Variants in PAX5 observed in about 807,000 individuals in gnomAD.
PAX5 encodes paired box protein Pax-5.
In PAX5, 9 loss-of-function variants were observed where a neutral mutation model predicts 43.7. The ratio of observed to expected loss-of-function variants is 0.21; its 90% confidence interval spans 0.12 to 0.36. The LOEUF (loss-of-function observed/expected upper bound fraction) is 0.36, where lower values mean the gene tolerates loss of function less well. Ranked by LOEUF, PAX5 falls within the 10% of genes least tolerant of loss-of-function variation. The probability of loss-of-function intolerance (pLI) is 1.00; values close to 1 mark genes in which losing one functional copy is unlikely to be tolerated. For synonymous variants in PAX5, 228 were observed against 214.3 expected (o/e 1.06, Z -0.56); for missense variants, 383 against 532.7 (o/e 0.72, Z 2.77).
At chr9:36,920,510 CA>C (rs1830080561) in intron 7 of PAX5, among the ~76,000 whole-genome samples, 1 of 152,176 alleles carries the variant, frequency 6.6e-6, no homozygotes, top group Admixed American at 6.5e-5. Flanking sequence ...TTTTTAGCAA[CA>C]AGTATTTTTA....
chr9:36,849,600 C>T (rs1469905429), intron 8 of PAX5, among the ~76,000 whole-genome samples: 7 of 152,244 alleles, frequency 4.6e-5, no homozygotes, highest in Admixed American at 2.0e-4. Flanking sequence ...ACAGCTCTCA[C>T]GGCCTCCGTT....
rs536930132 is a variant in PAX5 at position 36,900,634 on chromosome 9, TCTCCATGGCGTCCTC to T, written c.911-18544_911-18530del. 3.1e-3 allele frequency among the ~76,000 whole-genome samples: 471 copies of T among 152,198 alleles called. 2 individuals are homozygous for T. The highest frequency in any genetic ancestry group is 0.011 in the African/African-American group (443 of 41,506). ...ACCACTCACTCCCCCACTCCGGGCT[TCTCCATGGCGTCCTC>T]CTCCATGGCGTCCTCCTCCTCAGCC... On this transcript the variant is annotated intron_variant, in intron 7 of 9. Coordinates refer to ENST00000358127, the MANE Select transcript of PAX5 (RefSeq NM_016734.3).
intron 8 of PAX5, among the ~76,000 whole-genome samples, chr9:36,867,915 G>A (rs1825057493): frequency 1.3e-5 from 2 of 152,150 alleles, no homozygotes; most frequent in Non-Finnish European, 2.9e-5. Flanking sequence ...GGGCTTCGCG[G>A]GTCCCATTAA....
chr9:36,957,365 G>A (rs570368612), intron 6 of PAX5, among the ~76,000 whole-genome samples: 5 of 152,286 alleles, frequency 3.3e-5, no homozygotes, highest in South Asian at 2.1e-4. Flanking sequence ...GTGGTACTGC[G>A]CAACTCAGGT....
rs959614927 is a variant in PAX5, at chr9:36,946,226, G to A, written c.780+20323C>T. On this transcript the variant is annotated intron_variant, in intron 6 of 9. Transcript: ENST00000358127. ...ATCAGGAAGTGACTCCCTGAGGCTC[G>A]CAGAGGGGCCATGGCCCAGCTGCCC... 4.6e-5 allele frequency among the ~76,000 whole-genome samples: 7 copies of A among 152,258 alleles called. 1 individual carries two copies. The South Asian group carries it at 1.0e-3, about 23-fold the overall frequency.
intron 2 of PAX5, among the ~76,000 whole-genome samples, chr9:37,019,251 G>A (rs991544647): frequency 4.0e-5 from 6 of 150,122 alleles, no homozygotes; most frequent in Admixed American, 1.3e-4. Context: ...CTCTGTCTTC[G>A]ACTTTTCTTC....
chr9:36,888,548 T>TCATA (rs1368675619), intron 7 of PAX5, among the ~76,000 whole-genome samples: 4 of 152,198 alleles, frequency 2.6e-5, no homozygotes, highest in African/African-American at 9.6e-5. Context: ...GTGAATATAT[T>TCATA]CATACAAATG....
Position 37,006,940 on chromosome 9 carries a change from T to C in PAX5, c.411-403A>G, listed in dbSNP as rs531204749. On this transcript the variant is annotated intron_variant, in intron 3 of 9. Transcript: ENST00000358127. ...CTTTCCTAGACCTCAGCCTCCTATATGTGGAATGAAGGAACTGAACTTGGT... is the reference window on the plus strand; with the variant it reads ...CTTTCCTAGACCTCAGCCTCCTATACGTGGAATGAAGGAACTGAACTTGGT... Among the ~76,000 whole-genome samples, 10 of 152,244 alleles carry C rather than the reference T, an allele frequency of 6.6e-5. No homozygotes were observed. In the South Asian group the frequency reaches 1.7e-3, roughly 25 times the overall value.
intron 6 of PAX5, among the ~76,000 whole-genome samples, chr9:36,933,696 G>A (rs1486551662): frequency 1.3e-5 from 2 of 152,338 alleles, no homozygotes; most frequent in East Asian, 3.9e-4. Context: ...AATCTGCAAG[G>A]AGGAATGCCC....
intron 8 of PAX5, among the ~76,000 whole-genome samples, chr9:36,848,095 G>A (rs1289958501): frequency 3.9e-5 from 6 of 152,240 alleles, no homozygotes; most frequent in African/African-American, 7.2e-5. Context: ...GAGCCCACTC[G>A]TGGCCCAAGC....
intron 6 of PAX5, among the ~76,000 whole-genome samples, chr9:36,923,880 CGGT>C (rs1164936426): frequency 6.6e-6 from 1 of 152,140 alleles, no homozygotes; most frequent in East Asian, 1.9e-4. Context: ...ATGGAAAGAA[CGGT>C]TTCTGATTTC....
At chr9:36,994,008 G>A (rs905999023) in intron 5 of PAX5, among the ~76,000 whole-genome samples, 1 of 152,172 alleles carries the variant, frequency 6.6e-6, no homozygotes, top group African/African-American at 2.4e-5. Context: ...AGCGGCGTTG[G>A]CTCTCACGGG....
chr9:36,886,496 A>G (rs757340776), intron 7 of PAX5, among the ~76,000 whole-genome samples: 1 of 152,154 alleles, frequency 6.6e-6, no homozygotes, highest in Non-Finnish European at 1.5e-5. Context: ...TCACCTTCTC[A>G]GTCCCTTCCC....
At chr9:37,032,420 C>T (rs796597881) in intron 1 of PAX5, among the ~76,000 whole-genome samples, 4 of 152,150 alleles carry the variant, frequency 2.6e-5, no homozygotes, top group African/African-American at 9.7e-5. Flanking sequence ...TGCTGAGAAG[C>T]CCACTGCCAG....
At chr9:36,920,268 C>G (rs1410667635) in intron 7 of PAX5, among the ~76,000 whole-genome samples, 1 of 152,136 alleles carries the variant, frequency 6.6e-6, no homozygotes, top group Non-Finnish European at 1.5e-5. Context: ...GAAAGAAATT[C>G]TATGGTGGAT....
At chr9:36,923,135 G>T in intron 7 of PAX5, 4 of 496,366 alleles carry the variant, frequency 8.1e-6, no homozygotes, top group Non-Finnish European at 1.4e-5. Context: ...CAGTCCATTT[G>T]GCATTTGTTC....
chr9:37,006,351 C>A (rs550445668), intron 4 of PAX5, 122 bp downstream of exon 4: 5 of 619,950 alleles, frequency 8.1e-6, no homozygotes, highest in South Asian at 2.4e-5. Flanking sequence ...ACAAAGAAGG[C>A]GCATTAGTAC....
At chr9:36,854,999 GC>G (rs1171727046) in intron 8 of PAX5, among the ~76,000 whole-genome samples, 2 of 152,244 alleles carry the variant, frequency 1.3e-5, no homozygotes, top group African/African-American at 4.8e-5. Flanking sequence ...TGGCCAAGTG[GC>G]CTTTCTGGGC....
intron 7 of PAX5, among the ~76,000 whole-genome samples, chr9:36,899,448 T>C (rs976974913): frequency 6.6e-6 from 1 of 152,220 alleles, no homozygotes; most frequent in Non-Finnish European, 1.5e-5. Context: ...CCTAGGCTCA[T>C]TCTTTCTTTC....
Sources: gnomAD v4.1 joint callset for allele counts (sites outside exome capture counted in the v4.1 genomes callset) on GRCh38, gnomAD v4.1.1 for gene constraint, MANE v1.5 for transcripts, NCBI Gene and HGNC (gene_info 2026-07-23, HGNC 2026-07-21) for gene names.